The following FAM13B variants were observed in gnomAD, a reference collection of about 807,000 sequenced individuals.
FAM13B encodes family with sequence similarity 13 member B.
In FAM13B, 60 loss-of-function variants were observed where a neutral mutation model predicts 117.3. That is an observed-to-expected ratio of 0.51 (90% CI 0.42 to 0.63). The LOEUF (loss-of-function observed/expected upper bound fraction) is 0.63. Ranked by LOEUF, FAM13B falls within the 30% of genes least tolerant of loss-of-function variation. The probability of loss-of-function intolerance (pLI) is 0.00; values close to 1 mark genes in which losing one functional copy is unlikely to be tolerated. For synonymous variants in FAM13B, 332 were observed against 356.1 expected, an observed-to-expected ratio of 0.93 and a Z score of 0.76; for missense variants, 972 against 1,091.9, an observed-to-expected ratio of 0.89 and a Z score of 1.55.
chr5:138,008,126 C>A (rs1782998658), intron 6 of FAM13B, among the ~76,000 whole-genome samples: 1 of 152,142 alleles, frequency 6.6e-6, no homozygotes, highest in African/African-American at 2.4e-5. Flanking sequence ...TCAACAAGTA[C>A]AGAGTGCCTA....
intron 7 of FAM13B, among the ~76,000 whole-genome samples, chr5:138,001,294 T>C (rs1395263639): frequency 3.3e-5 from 5 of 152,188 alleles, no homozygotes; most frequent in Non-Finnish European, 7.4e-5. Flanking sequence ...ACATGTTAAT[T>C]ACGAAAAGTT....
intron 17 of FAM13B, among the ~76,000 whole-genome samples, chr5:137,949,465 C>G (rs1764320109): frequency 6.6e-6 from 1 of 151,786 alleles, no homozygotes; most frequent in Non-Finnish European, 1.5e-5. Context: ...GAGTGAGACC[C>G]CATCTCTACA....
intron 1 of FAM13B, among the ~76,000 whole-genome samples, chr5:138,040,665 T>C (rs1331867462): frequency 6.6e-6 from 1 of 152,124 alleles, no homozygotes; most frequent in African/African-American, 2.4e-5. Context: ...TGAAGGTAAA[T>C]ATCCTAAATT....
chr5:137,955,625 TTTTA>T (rs1457144103), intron 14 of FAM13B, among the ~76,000 whole-genome samples: 2 of 151,964 alleles, frequency 1.3e-5, no homozygotes, highest in African/African-American at 2.4e-5. Flanking sequence ...CACATTAGCT[TTTTA>T]TTTATTTATT....
chr5:138,006,929 A>T, intron 7 of FAM13B, 61 bp downstream of exon 7: 1 of 1,442,496 alleles, frequency 6.9e-7, no homozygotes, highest in Non-Finnish European at 9.3e-7. Context: ...TGAATGCTGG[A>T]GTGAGTTTAC....
At chr5:138,036,502 C>T (rs1484183842), upstream of FAM13B, 1 of 456,726 alleles carries the variant, frequency 2.2e-6, no homozygotes, top group Admixed American at 2.3e-5. Context: ...AGGTACAAGT[C>T]AAGTGCTCTG....
intron 17 of FAM13B, 24 bp from the exon 18 acceptor site, chr5:137,949,208 A>G (rs780621284): frequency 6.3e-7 from 1 of 1,581,732 alleles, no homozygotes; most frequent in South Asian, 1.1e-5. Flanking sequence ...ATAAGGACAG[A>G]TCAGTAATAA....
chr5:138,046,235 C>G (rs1381924064), intron 1 of FAM13B, among the ~76,000 whole-genome samples: 1 of 152,202 alleles, frequency 6.6e-6, no homozygotes, highest in African/African-American at 2.4e-5. Context: ...TCCCCAGGCA[C>G]GTGGAACTGT....
chr5:138,026,398 G>T (rs1788373100), intron 1 of FAM13B, among the ~76,000 whole-genome samples: 1 of 151,940 alleles, frequency 6.6e-6, no homozygotes, highest in Non-Finnish European at 1.5e-5. Context: ...GGCCGAGGTG[G>T]GCAGATCACT....
intron 11 of FAM13B, 48 bp from the exon 12 acceptor site, chr5:137,960,262 CTATCATTATA>C (rs774533297): frequency 9.1e-7 from 1 of 1,095,626 alleles, no homozygotes; most frequent in South Asian, 1.4e-5. Context: ...AAAAAGGCTA[CTATCATTATA>C]TATTTCTTAC....
At chr5:138,025,313 A>ATTTT (rs869194123) in intron 1 of FAM13B, among the ~76,000 whole-genome samples, 2 of 111,238 alleles carry the variant, frequency 1.8e-5, no homozygotes, top group African/African-American at 3.3e-5. Flanking sequence ...ATATATATGT[A>ATTTT]TTTTTTTTTT....
At chr5:137,947,819 A>T (rs998342949) in intron 18 of FAM13B, among the ~76,000 whole-genome samples, 2 of 152,120 alleles carry the variant, frequency 1.3e-5, no homozygotes, top group African/African-American at 2.4e-5. Context: ...TCCTGACCTC[A>T]GGTGATCCAC....
intron 10 of FAM13B, among the ~76,000 whole-genome samples, chr5:137,967,047 T>C (rs560491001): frequency 6.1e-4 from 93 of 151,856 alleles, no homozygotes; most frequent in African/African-American, 2.2e-3. Context: ...AAGAAGAAAG[T>C]TAGCTTATAA....
intron 10 of FAM13B, among the ~76,000 whole-genome samples, chr5:137,978,867 T>G (rs1774811755): frequency 6.6e-6 from 1 of 152,212 alleles, no homozygotes; most frequent in South Asian, 2.1e-4. Context: ...ATAAACCACC[T>G]TGATATTCCA....
At chr5:137,954,107 T>TCAAAAGA in intron 15 of FAM13B, 59 bp downstream of exon 15, 1 of 1,144,194 alleles carries the variant, frequency 8.7e-7, no homozygotes, top group Non-Finnish European at 1.3e-6. Context: ...ACTAAATCTC[T>TCAAAAGA]CAAAAGACTT....
chr5:137,950,898 T>TA (rs1345931940), intron 17 of FAM13B, among the ~76,000 whole-genome samples: 1 of 152,108 alleles, frequency 6.6e-6, no homozygotes, highest in Non-Finnish European at 1.5e-5. Flanking sequence ...AGTGATACTC[T>TA]AAAGAGGAGT....
At chr5:137,971,734 AAG>A (rs1438639819) in intron 10 of FAM13B, among the ~76,000 whole-genome samples, 1 of 148,598 alleles carries the variant, frequency 6.7e-6, no homozygotes. Context: ...TAAAGAAAAA[AAG>A]AGAGAAGAAT....
chr5:138,009,603 G>A (rs1783441792), intron 6 of FAM13B, among the ~76,000 whole-genome samples: 5 of 152,074 alleles, frequency 3.3e-5, no homozygotes, highest in African/African-American at 1.2e-4. Flanking sequence ...CCTGGAGTTC[G>A]AGACGAGTCT....
chr5:137,956,369 G>A (rs1315180888), intron 14 of FAM13B, 108 bp downstream of exon 14: 4 of 616,374 alleles, frequency 6.5e-6, no homozygotes, highest in Non-Finnish European at 1.0e-5. Flanking sequence ...TTTGAACCCA[G>A]AACAGTTTTC....
Sources: allele counts gnomAD v4.1 joint callset (sites outside exome capture counted in the v4.1 genomes callset), GRCh38; gene constraint gnomAD v4.1.1; transcripts MANE v1.5; gene names NCBI Gene and HGNC (gene_info 2026-07-23, HGNC 2026-07-21).